Variants in SYNPO2 observed in about 807,000 individuals in gnomAD.
The protein encoded by SYNPO2 is synaptopodin-2.
In SYNPO2, 56 loss-of-function variants were observed where a neutral mutation model predicts 85.0. The observed-to-expected ratio is 0.66, with a 90% CI of 0.53 to 0.82. The LOEUF is 0.82. Ranked by LOEUF, SYNPO2 falls within the 40% of genes least tolerant of loss-of-function variation. The pLI is 0.00. For missense variants in SYNPO2, 1,575 were observed against 1,534.2 expected (o/e 1.03, Z -0.44); for synonymous variants, 602 against 591.1 (o/e 1.02, Z -0.27).
At chr4:119,042,120 C>T (rs964717811) in intron 4 of SYNPO2, 4 of 152,168 alleles carry the variant, frequency 2.6e-5, no homozygotes, top group Admixed American at 6.5e-5. Flanking sequence ...ACTCATCTTG[C>T]CGATTTTATT....
At chr4:118,900,685 CTCTCTCTCTCTCTCTCTCTA>C (rs1307861520) in intron 1 of SYNPO2, among the ~76,000 whole-genome samples, 50 of 43,760 alleles carry the variant, frequency 1.1e-3, no homozygotes, top group African/African-American at 1.6e-3. Flanking sequence ...CTCTCTCTCT[CTCTCTCTCTCTCTCTCTCTA>C]TATATATATA....
chr4:118,884,305 C>T (rs1264101071), upstream of SYNPO2, among the ~76,000 whole-genome samples: 1 of 152,188 alleles, frequency 6.6e-6, no homozygotes, highest in Non-Finnish European at 1.5e-5. Context: ...TCCCAACACA[C>T]CTTGTGGTGG....
At chr4:118,863,679 C>G (rs944765696) in intron 1 of SYNPO2, among the ~76,000 whole-genome samples, 1 of 151,934 alleles carries the variant, frequency 6.6e-6, no homozygotes, top group African/African-American at 2.4e-5. Context: ...TGGCGTGATC[C>G]TGGCTCACTG....
intron 4 of SYNPO2, among the ~76,000 whole-genome samples, chr4:119,056,814 T>C (rs920446925): frequency 1.3e-5 from 2 of 152,196 alleles, no homozygotes; most frequent in Admixed American, 1.3e-4. Flanking sequence ...AGGCAGTTAA[T>C]CATACCAGTA....
At chr4:118,977,146 G>GCTCA in intron 1 of SYNPO2, among the ~76,000 whole-genome samples, 1 of 152,130 alleles carries the variant, frequency 6.6e-6, no homozygotes, top group South Asian at 2.1e-4. Context: ...GCCCATGGAG[G>GCTCA]GGGTGGGAGG....
chr4:118,911,919 A>G (rs903940349), intron 1 of SYNPO2, among the ~76,000 whole-genome samples: 3 of 152,244 alleles, frequency 2.0e-5, no homozygotes, highest in African/African-American at 7.2e-5. Flanking sequence ...TGACAGGTTA[A>G]GCCAATTGAC....
At chr4:118,878,945 C>T (rs1430300428) in intron 1 of SYNPO2, among the ~76,000 whole-genome samples, 1 of 152,190 alleles carries the variant, frequency 6.6e-6, no homozygotes, top group Non-Finnish European at 1.5e-5. Flanking sequence ...TGGGTCCGCA[C>T]TACCTCTAAG....
intron 1 of SYNPO2, among the ~76,000 whole-genome samples, chr4:118,878,288 C>T (rs537134861): frequency 6.6e-6 from 1 of 152,228 alleles, no homozygotes; most frequent in East Asian, 1.9e-4. Context: ...ATAATCTGTG[C>T]ACAAATCCCT....
chr4:118,925,024 G>C (rs1454253664), intron 1 of SYNPO2, among the ~76,000 whole-genome samples: 1 of 152,136 alleles, frequency 6.6e-6, no homozygotes, highest in East Asian at 1.9e-4. Flanking sequence ...TGGAGTGAAG[G>C]ATAGGCTTGT....
At chr4:118,999,671 A>G (rs1318213176) in intron 1 of SYNPO2, among the ~76,000 whole-genome samples, 1 of 152,150 alleles carries the variant, frequency 6.6e-6, no homozygotes, top group Non-Finnish European at 1.5e-5. Context: ...TACTGAGTTT[A>G]TAGACTAATA....
chr4:118,912,826 G>C (rs955641955), intron 1 of SYNPO2, among the ~76,000 whole-genome samples: 1 of 152,198 alleles, frequency 6.6e-6, no homozygotes, highest in South Asian at 2.1e-4. Context: ...AGACTCAGCA[G>C]TTATAAAACA....
chr4:118,998,371 T>C (rs1173717696), intron 1 of SYNPO2, among the ~76,000 whole-genome samples: 2 of 152,212 alleles, frequency 1.3e-5, no homozygotes, highest in Non-Finnish European at 2.9e-5. Flanking sequence ...TATATTATCG[T>C]GTAATATCAT....
intron 1 of SYNPO2, among the ~76,000 whole-genome samples, chr4:118,922,414 T>C (rs1414152388): frequency 1.3e-5 from 2 of 152,132 alleles, no homozygotes; most frequent in Non-Finnish European, 2.9e-5. Flanking sequence ...GATGATTCCT[T>C]TTGGAAGTAA....
chr4:118,898,769 T>C (rs956589593), intron 1 of SYNPO2, among the ~76,000 whole-genome samples: 13 of 152,200 alleles, frequency 8.5e-5, no homozygotes, highest in East Asian at 1.9e-4. Flanking sequence ...CTCTCTGTGA[T>C]CTGGATGCTG....
chr4:118,926,529 C>T (rs1275289290), intron 1 of SYNPO2, among the ~76,000 whole-genome samples: 1 of 151,970 alleles, frequency 6.6e-6, no homozygotes, highest in Non-Finnish European at 1.5e-5. Flanking sequence ...ATTCTTTCTG[C>T]CATGGTTAAA....
At chr4:118,894,027 A>G (rs1253835292) in intron 1 of SYNPO2, among the ~76,000 whole-genome samples, 1 of 143,456 alleles carries the variant, frequency 7.0e-6, no homozygotes, top group Non-Finnish European at 1.6e-5. Flanking sequence ...AAAAAAGAAG[A>G]TATATATATA....
At chr4:118,889,803 G>A (rs1019772589) in intron 1 of SYNPO2, among the ~76,000 whole-genome samples, 2 of 152,132 alleles carry the variant, frequency 1.3e-5, no homozygotes, top group African/African-American at 2.4e-5. Context: ...GTAACTAAGA[G>A]GTAACTTTGT....
At chr4:118,965,701 C>A (rs7699133) in intron 1 of SYNPO2, among the ~76,000 whole-genome samples, 118,475 of 151,994 alleles carry the variant, frequency 0.78, 46,949 homozygotes, top group South Asian at 0.89. Context: ...GCACTATTAT[C>A]GGTGCTGGAA....
chr4:119,035,205 A>T, intron 4 of SYNPO2: 1 of 985,454 alleles, frequency 1.0e-6, no homozygotes, highest in South Asian at 4.7e-5. Context: ...TCTTTCCACA[A>T]GTTTCCCCTT....
Sources: allele counts gnomAD v4.1 joint callset (sites outside exome capture counted in the v4.1 genomes callset), GRCh38; gene constraint gnomAD v4.1.1; transcripts MANE v1.5; gene names NCBI Gene and HGNC (gene_info 2026-07-23, HGNC 2026-07-21).